ABR: variants seen among roughly 807,000 people sequenced by gnomAD.
The protein encoded by ABR is ABR activator of RhoGEF and GTPase.
In ABR, 35 loss-of-function variants were observed where a neutral mutation model predicts 107.2. The observed-to-expected ratio is 0.33, with a 90% CI of 0.25 to 0.43. ABR has a LOEUF of 0.43. ABR is among the 20% of genes least tolerant of loss of function. ABR has a pLI of 1.00. For synonymous variants in ABR, 498 were observed against 462.0 expected, an observed-to-expected ratio of 1.08 and a Z score of -1.00; for missense variants, 815 against 1,115.2, an observed-to-expected ratio of 0.73 and a Z score of 3.83.
chr17:1,088,947 G>A (rs2036828568), intron 4 of ABR, among the ~76,000 whole-genome samples: 1 of 146,920 alleles, frequency 6.8e-6, no homozygotes, highest in Non-Finnish European at 1.5e-5. Flanking sequence ...CCAGGCTGGA[G>A]TGCAATGGTG....
chr17:1,126,537 C>T (rs1392901788), intron 1 of ABR: 1 of 152,352 alleles, frequency 6.6e-6, no homozygotes, highest in East Asian at 1.9e-4. Flanking sequence ...GTGCCGGCAG[C>T]CTTGGGGCCA....
Position 1,064,803 on chromosome 17 carries a change from T to C in ABR, c.1182+2274A>G, listed in dbSNP as rs1342256789. Among the ~76,000 whole-genome samples, 36 of 120,844 alleles carry C rather than the reference T, an allele frequency of 3.0e-4. 1 individual carries two copies. Among genetic ancestry groups the C allele is most frequent in the African/African-American group, 1.0e-3 (33 of 31,776 alleles). 79.3% of individuals were successfully genotyped at this position (120,844 alleles called of 152,430 possible). A position where few individuals can be genotyped will look rare whatever the true frequency, so the allele number is the denominator to read the frequency against. ...CATGTTCCTCTAGACACTGTTGTTATGTGAACTGAGGGCTATGCATGTTCC... is the reference window on the plus strand; with the variant it reads ...CATGTTCCTCTAGACACTGTTGTTACGTGAACTGAGGGCTATGCATGTTCC... On this transcript the variant is annotated intron_variant, in intron 10 of 22. Coordinates refer to ENST00000302538, the MANE Select transcript of ABR (RefSeq NM_021962.5).
intron 1 of ABR, among the ~76,000 whole-genome samples, chr17:1,171,173 T>C (rs1285592458): frequency 1.3e-5 from 2 of 152,176 alleles, no homozygotes; most frequent in African/African-American, 4.8e-5. Flanking sequence ...ATTGCGGCTG[T>C]GAGGAGTAGA....
chr17:1,179,743 C>T lies in ABR; in HGVS notation c.-16G>A, dbSNP rs565626224. 2.2e-6 allele frequency: 3 copies of T among 1,385,408 alleles called. No homozygotes were observed. The South Asian group carries it at 3.9e-5, about 18-fold the overall frequency. 85.8% of individuals were successfully genotyped at this position (1,385,408 alleles called of 1,614,324 possible). Reference sequence around the variant, plus strand: ...GCGGCTCCATCCCGCGGCGGCGGCTCGGTCAGATCCGAAACCCGACCCTCA... The same window carrying T: ...GCGGCTCCATCCCGCGGCGGCGGCTTGGTCAGATCCGAAACCCGACCCTCA... On this transcript the variant is annotated 5_prime_UTR_variant, in exon 1 of 23. Coordinates refer to ENST00000302538, the MANE Select transcript of ABR (RefSeq NM_021962.5). This position sits in a 1 kb window ranked among gnomAD's most constrained non-coding sequence, Gnocchi z 4.9.
At chr17:1,066,367 A>C (rs2034739328) in intron 10 of ABR, among the ~76,000 whole-genome samples, 1 of 152,222 alleles carries the variant, frequency 6.6e-6, no homozygotes, top group African/African-American at 2.4e-5. Flanking sequence ...CTGCATTTTT[A>C]AGTCAAGCAT....
chr17:1,166,572 C>T (rs988486909), intron 1 of ABR, among the ~76,000 whole-genome samples: 4 of 152,178 alleles, frequency 2.6e-5, no homozygotes, highest in African/African-American at 7.2e-5. Flanking sequence ...AAGGCTCCCA[C>T]GTTGTGCTAA....
intron 16 of ABR, among the ~76,000 whole-genome samples, chr17:1,030,894 G>T (rs979011477): frequency 6.6e-6 from 1 of 152,252 alleles, no homozygotes; most frequent in Non-Finnish European, 1.5e-5. Flanking sequence ...TGCGCTGGGC[G>T]CTGGGTCTGG....
At chr17:1,093,298 G>A (rs993695102) in intron 3 of ABR, among the ~76,000 whole-genome samples, 16 of 151,894 alleles carry the variant, frequency 1.1e-4, no homozygotes, top group South Asian at 2.1e-4. Flanking sequence ...GTGAAACCCC[G>A]TCTCTACTAA....
At chr17:1,049,982 G>C in intron 16 of ABR, 68 bp downstream of exon 16, 9 of 1,553,042 alleles carry the variant, frequency 5.8e-6, no homozygotes, top group Non-Finnish European at 7.8e-6. Context: ...TCCTTGACCA[G>C]AATTCCTTTT....
intron 1 of ABR, among the ~76,000 whole-genome samples, chr17:1,205,646 C>CA (rs1428323053): frequency 1.3e-5 from 2 of 152,136 alleles, no homozygotes; most frequent in Non-Finnish European, 2.9e-5. Context: ...TTCATCTCTA[C>CA]AAAAAATACC....
At chr17:1,137,995 G>C (rs2040149511) in intron 1 of ABR, among the ~76,000 whole-genome samples, 1 of 151,796 alleles carries the variant, frequency 6.6e-6, no homozygotes, top group Admixed American at 6.6e-5. Flanking sequence ...CCGCCTCCTG[G>C]GTTCAAGCAA....
chr17:1,161,917 C>T (rs1404560663), intron 1 of ABR, among the ~76,000 whole-genome samples: 4 of 152,164 alleles, frequency 2.6e-5, no homozygotes, highest in Non-Finnish European at 5.9e-5. Context: ...ACCCGCTACA[C>T]CACTAGCTAA....
chr17:1,031,975 C>A, intron 16 of ABR: 1 of 779,634 alleles, frequency 1.3e-6, no homozygotes, highest in South Asian at 6.5e-5. Flanking sequence ...AGGCTGAGCG[C>A]CGCCTCCCAG....
rs550859225 is a variant in ABR at position 1,039,151 on chromosome 17, C to T, written c.1791+10899G>A. ...GGATGTTCTCAGGGCCTGACTGCAT[C>T]GGCTCCTGAGGTCCTGTCTGGACCG... On this transcript the variant is annotated intron_variant, in intron 16 of 22. Transcript: ENST00000302538. Among the ~76,000 whole-genome samples, 31 of 152,268 alleles carry T rather than the reference C, an allele frequency of 2.0e-4. 1 individual carries two copies. In the South Asian group the frequency reaches 6.0e-3, roughly 30 times the overall value.
At chr17:1,101,734 CTTTTTTTT>C (rs796580737) in intron 2 of ABR, among the ~76,000 whole-genome samples, 1 of 140,848 alleles carries the variant, frequency 7.1e-6, no homozygotes, top group African/African-American at 2.6e-5. Flanking sequence ...TTTATTTTTT[CTTTTTTTT>C]TTTTTTTTAG....
chr17:1,160,376 C>T (rs1174507423), intron 1 of ABR, among the ~76,000 whole-genome samples: 1 of 152,080 alleles, frequency 6.6e-6, no homozygotes, highest in African/African-American at 2.4e-5. Context: ...CATGAAATGT[C>T]AGCTCTGCAA....
At chr17:1,178,496 A>G (rs2041991329) in intron 1 of ABR, among the ~76,000 whole-genome samples, 1 of 151,596 alleles carries the variant, frequency 6.6e-6, no homozygotes, top group Non-Finnish European at 1.5e-5. Context: ...CCCGGGAGGC[A>G]GAGGTTGCAA....
At chr17:1,127,790 G>A (rs1485803463) in intron 1 of ABR, among the ~76,000 whole-genome samples, 1 of 152,190 alleles carries the variant, frequency 6.6e-6, no homozygotes, top group East Asian at 1.9e-4. Context: ...ATCAACGGGG[G>A]GGAAGGGACG....
In ABR at chr17:1,067,194, C is replaced by T; in HGVS notation, c.1065G>A (p.Leu355=). 4.3e-6 allele frequency: 7 copies of T among 1,612,342 alleles called. No individual in the cohort carries two copies. Among genetic ancestry groups the T allele is most frequent in the Non-Finnish European group, 5.9e-6 (7 of 1,179,182 alleles). The change falls in exon 10 of 23, where the codon CTG becomes CTA. Residue 355 remains leucine (L), a synonymous_variant. Coordinates refer to ENST00000302538, the MANE Select transcript of ABR (RefSeq NM_021962.5). ...DCKWYIPLAD[L]VFPSPEESEA... ...CAGACTCCTCGGGGGATGGAAACAC[C>T]AGGTCGGCCAGGGGGATGTACCACT...
Sources: allele counts gnomAD v4.1 joint callset (sites outside exome capture counted in the v4.1 genomes callset), GRCh38; gene constraint gnomAD v4.1.1; non-coding constraint Gnocchi (gnomAD v3.1); transcripts MANE v1.5; gene names NCBI Gene and HGNC (gene_info 2026-07-23, HGNC 2026-07-21).